Variants in IL10RB observed in about 807,000 individuals in gnomAD.
The protein encoded by IL10RB is interleukin 10 receptor subunit beta.
In IL10RB, 30 loss-of-function variants were observed where a neutral mutation model predicts 38.7. The observed-to-expected ratio is 0.78, with a 90% CI of 0.58 to 1.05. The LOEUF (loss-of-function observed/expected upper bound fraction) is 1.05, where lower values mean the gene tolerates loss of function less well. Ranked by LOEUF, IL10RB falls within the 50% of genes least tolerant of loss-of-function variation. The pLI, the probability that IL10RB is intolerant of heterozygous loss-of-function variation, is 0.00. For missense variants in IL10RB, 328 were observed against 397.1 expected (o/e 0.83, Z 1.48); for synonymous variants, 142 against 145.9 (o/e 0.97, Z 0.19).
intron 1 of IL10RB, among the ~76,000 whole-genome samples, chr21:33,303,350 CT>C (rs11340111): frequency 0.066 from 7,198 of 109,796 alleles, 161 homozygotes; most frequent in African/African-American, 0.11. Context: ...CTGTTACTTT[CT>C]TTTTTTTTTT....
chr21:33,274,326 A>G (rs960818254), intron 2 of IL10RB, among the ~76,000 whole-genome samples: 6 of 151,526 alleles, frequency 4.0e-5, no homozygotes, highest in Non-Finnish European at 7.4e-5. Context: ...GTGACACCAC[A>G]CCAGGCTAAT....
At chr21:33,300,894 T>C (rs1303357314), downstream of IL10RB, among the ~76,000 whole-genome samples, 1 of 152,206 alleles carries the variant, frequency 6.6e-6, no homozygotes, top group African/African-American at 2.4e-5. Flanking sequence ...CTTGGACAAT[T>C]TCTGTTGTTT....
At chr21:33,267,927 A>G (rs1989002624) in intron 1 of IL10RB, 1 of 251,888 alleles carries the variant, frequency 4.0e-6, no homozygotes, top group Non-Finnish European at 7.8e-6. Flanking sequence ...TGACATTCCT[A>G]CTTCAGCCTC....
exon 2 of IL10RB, chr21:33,310,083 G>T (rs544941484): frequency 6.6e-6 from 1 of 152,300 alleles, no homozygotes; most frequent in East Asian, 1.9e-4. Context: ...TCTGTGAGCA[G>T]GAAGGGAGGC....
chr21:33,303,184 G>A (rs1457015686), intron 1 of IL10RB, among the ~76,000 whole-genome samples: 4 of 151,830 alleles, frequency 2.6e-5, no homozygotes, highest in East Asian at 3.9e-4. Context: ...TCTCCCTCCC[G>A]CTAGTTCCCG....
intron 3 of IL10RB, among the ~76,000 whole-genome samples, chr21:33,277,109 C>T (rs1046034793): frequency 1.3e-5 from 2 of 151,948 alleles, no homozygotes; most frequent in Non-Finnish European, 2.9e-5. Context: ...AGAAACATAA[C>T]GTGATAGGCA....
downstream of IL10RB, chr21:33,297,281 A>C (rs980660486): frequency 6.6e-6 from 1 of 152,274 alleles, no homozygotes; most frequent in African/African-American, 2.4e-5. Context: ...CTAGTTTGCC[A>C]TCTTGATGTC....
chr21:33,283,460 C>T (rs1414968427), intron 5 of IL10RB, among the ~76,000 whole-genome samples: 1 of 152,152 alleles, frequency 6.6e-6, no homozygotes, highest in Non-Finnish European at 1.5e-5. Context: ...TGCTAGAAAC[C>T]TTTTCTGTCT....
At chr21:33,269,329 G>A (rs1989034005) in intron 2 of IL10RB, among the ~76,000 whole-genome samples, 1 of 152,208 alleles carries the variant, frequency 6.6e-6, no homozygotes, top group Non-Finnish European at 1.5e-5. Flanking sequence ...CTTTAGGCCA[G>A]GCGCAAACAG....
At chr21:33,283,266 T>C in intron 5 of IL10RB, 25 bp downstream of exon 5, 2 of 1,611,424 alleles carry the variant, frequency 1.2e-6, no homozygotes. Context: ...GCACCTCCGC[T>C]AAGCATCCTA....
chr21:33,302,375 G>A (rs530837225), intron 1 of IL10RB, among the ~76,000 whole-genome samples: 3 of 152,220 alleles, frequency 2.0e-5, no homozygotes, highest in Admixed American at 1.3e-4. Context: ...TGCTCCATGC[G>A]GGAGTGCCAA....
At chr21:33,272,907 G>T (rs1404891848) in intron 2 of IL10RB, among the ~76,000 whole-genome samples, 1 of 152,196 alleles carries the variant, frequency 6.6e-6, no homozygotes, top group African/African-American at 2.4e-5. Flanking sequence ...TTCACTTTCT[G>T]TCATGTTCCC....
At chr21:33,273,859 A>G (rs935169785) in intron 2 of IL10RB, among the ~76,000 whole-genome samples, 1 of 152,216 alleles carries the variant, frequency 6.6e-6, no homozygotes, top group Admixed American at 6.5e-5. Context: ...AACTTTTATC[A>G]TGAGATTGGA....
chr21:33,275,785 T>G (rs1005071944), intron 2 of IL10RB, among the ~76,000 whole-genome samples: 6 of 152,242 alleles, frequency 3.9e-5, no homozygotes, highest in Non-Finnish European at 8.8e-5. Context: ...GGAATAGGGA[T>G]GCCCGAGGAG....
At chr21:33,285,621 T>C (rs538262109) in intron 5 of IL10RB, among the ~76,000 whole-genome samples, 104 of 152,176 alleles carry the variant, frequency 6.8e-4, no homozygotes, top group Non-Finnish European at 1.2e-3. Context: ...GATGCTAAGA[T>C]GCCCCAGTTT....
chr21:33,279,929 C>G lies in IL10RB; in HGVS notation c.498+11C>G, dbSNP rs1047479669. 6.2e-7 allele frequency: 1 copy of G among 1,611,434 alleles called. No homozygotes were observed. On this transcript the variant is annotated intron_variant, in intron 4 of 6. Transcript: ENST00000290200. ...GGTACTGATGAAAAGGTAAGGTTGG[C>G]TAATTGCATTTCAGAGGTAGTAGGC...
At chr21:33,307,601 C>G (rs1378247540) in intron 1 of IL10RB, among the ~76,000 whole-genome samples, 2 of 152,172 alleles carry the variant, frequency 1.3e-5, no homozygotes, top group Non-Finnish European at 2.9e-5. Flanking sequence ...GGCCCTTTCA[C>G]GGAACAGCCT....
In IL10RB at chr21:33,296,395, C is replaced by T. The variant is rs376104508; in HGVS notation, c.*38C>T. Reference sequence around the variant, plus strand: ...AAACACACTCGGCTGGGCACAGTGACGTACTCCATCTCACATCTGCCTCAG... The same window carrying T: ...AAACACACTCGGCTGGGCACAGTGATGTACTCCATCTCACATCTGCCTCAG... On this transcript the variant is annotated 3_prime_UTR_variant, in exon 7 of 7. Coordinates refer to ENST00000290200, the MANE Select transcript of IL10RB (RefSeq NM_000628.5). 1.5e-4 allele frequency: 241 copies of T among 1,594,462 alleles called. No individual in the cohort carries two copies. The highest frequency in any genetic ancestry group is 3.0e-4 in the Admixed American group (18 of 59,874).
intron 5 of IL10RB, among the ~76,000 whole-genome samples, chr21:33,284,900 G>T (rs938799903): frequency 6.6e-6 from 1 of 151,920 alleles, no homozygotes; most frequent in Non-Finnish European, 1.5e-5. Context: ...TTAGTTATTT[G>T]TTTATTTGTT....
Sources: allele counts gnomAD v4.1 joint callset (sites outside exome capture counted in the v4.1 genomes callset), GRCh38; gene constraint gnomAD v4.1.1; transcripts MANE v1.5; gene names NCBI Gene and HGNC (gene_info 2026-07-23, HGNC 2026-07-21).